SLC25A26: variants seen among roughly 807,000 people sequenced by gnomAD.
SLC25A26 encodes the protein solute carrier family 25 member 26, also known as mitochondrial S-adenosylmethionine carrier protein.
A neutral mutation model predicts 37.8 loss-of-function variants in SLC25A26; 36 were observed. The ratio of observed to expected loss-of-function variants is 0.95; its 90% CI spans 0.73 to 1.26. SLC25A26 has a LOEUF of 1.26. SLC25A26 is among the 50% of genes most tolerant of loss of function. The probability of loss-of-function intolerance (pLI) is 0.00; values close to 1 mark genes in which losing one functional copy is unlikely to be tolerated. For synonymous variants in SLC25A26, 129 were observed against 122.5 expected, an observed-to-expected ratio of 1.05 and a Z score of -0.35; for missense variants, 390 against 331.1, an observed-to-expected ratio of 1.18 and a Z score of -1.38.
intron 5 of SLC25A26, among the ~76,000 whole-genome samples, chr3:66,281,756 C>G (rs371439257): frequency 8.6e-5 from 13 of 151,020 alleles, no homozygotes; most frequent in African/African-American, 2.7e-4. Context: ...TAAACTGTCC[C>G]ATATTTGTCC....
intron 1 of SLC25A26, among the ~76,000 whole-genome samples, chr3:66,151,874 T>A (rs1325437929): frequency 1.3e-5 from 2 of 152,266 alleles, no homozygotes; most frequent in African/African-American, 4.8e-5. Context: ...GAATAGGGAC[T>A]ATTCCCCTCT....
At chr3:66,145,957 A>G (rs973083879) in intron 1 of SLC25A26, among the ~76,000 whole-genome samples, 1 of 152,256 alleles carries the variant, frequency 6.6e-6, no homozygotes, top group Non-Finnish European at 1.5e-5. Context: ...TTAAAGTTTA[A>G]TCTAAAAACA....
chr3:66,255,502 T>TC (rs986435831), intron 3 of SLC25A26, among the ~76,000 whole-genome samples: 5 of 152,026 alleles, frequency 3.3e-5, no homozygotes, highest in African/African-American at 1.2e-4. Flanking sequence ...TGTTTTTTTT[T>TC]TTTTTCCTTT....
intron 1 of SLC25A26, among the ~76,000 whole-genome samples, chr3:66,233,162 G>T (rs1209550848): frequency 1.3e-5 from 2 of 152,216 alleles, no homozygotes; most frequent in Non-Finnish European, 2.9e-5. Flanking sequence ...TGTTTTTATG[G>T]TGTGCCCTCC....
intron 5 of SLC25A26, among the ~76,000 whole-genome samples, chr3:66,284,016 A>G (rs1263417966): frequency 1.3e-5 from 2 of 152,216 alleles, no homozygotes; most frequent in Admixed American, 6.5e-5. Context: ...TTTTTATGCT[A>G]AAATATTTTA....
intron 1 of SLC25A26, among the ~76,000 whole-genome samples, chr3:66,157,385 T>C (rs928099158): frequency 6.6e-6 from 1 of 152,068 alleles, no homozygotes; most frequent in Non-Finnish European, 1.5e-5. Flanking sequence ...AGCTCAAGAG[T>C]TCCAGACCAG....
At chr3:66,209,006 AGG>A (rs1491289331) in intron 1 of SLC25A26, among the ~76,000 whole-genome samples, 2 of 16,444 alleles carry the variant, frequency 1.2e-4, no homozygotes, top group Admixed American at 1.1e-3. Context: ...ACCCATATAA[AGG>A]TATATATATA....
At chr3:66,249,712 C>G (rs1182982139) in intron 3 of SLC25A26, among the ~76,000 whole-genome samples, 1 of 152,196 alleles carries the variant, frequency 6.6e-6, no homozygotes. Context: ...TTTGCCACAT[C>G]TCTGCACAGT....
intron 1 of SLC25A26, among the ~76,000 whole-genome samples, chr3:66,175,140 T>TATATATACACACACAC (rs1413714739): frequency 3.0e-5 from 2 of 67,004 alleles, no homozygotes; most frequent in African/African-American, 1.3e-4. Context: ...TATATATATA[T>TATATATACACACACAC]ACACACACAC....
chr3:66,371,699 G>T (rs1022430302), intron 9 of SLC25A26, among the ~76,000 whole-genome samples: 13 of 152,152 alleles, frequency 8.5e-5, no homozygotes, highest in African/African-American at 3.1e-4. Flanking sequence ...ATCGTGAGGG[G>T]TGCTTCTATC....
intron 5 of SLC25A26, among the ~76,000 whole-genome samples, chr3:66,287,232 C>T (rs1001120607): frequency 1.3e-5 from 2 of 151,168 alleles, no homozygotes; most frequent in Non-Finnish European, 2.9e-5. Flanking sequence ...GGAGGCGGAG[C>T]TTGCAGTTAG....
At chr3:66,291,683 A>AT (rs796728548) in intron 5 of SLC25A26, among the ~76,000 whole-genome samples, 6 of 151,746 alleles carry the variant, frequency 4.0e-5, no homozygotes, top group South Asian at 2.1e-4. Flanking sequence ...GATGATTTCC[A>AT]TTTTTTTACA....
In SLC25A26 at chr3:66,378,660, G is replaced by C. The variant is rs1700828978; in HGVS notation, c.*853G>C. The stretch of plus-strand genomic sequence containing the variant: ...AGAAAAATTCAAAACAAAATGTCAG[G>C]AATCTAGCAGTGTTGTCTGCCCTGG... On this transcript the variant is annotated 3_prime_UTR_variant, in exon 10 of 10. Coordinates refer to ENST00000354883, the MANE Select transcript of SLC25A26 (RefSeq NM_001379210.1). The C allele has an allele frequency of 6.6e-6, 1 of 152,402 alleles. No homozygotes were observed. Among genetic ancestry groups the C allele is most frequent in the Non-Finnish European group, 1.5e-5 (1 of 68,028 alleles). 9.4% of individuals were successfully genotyped at this position (152,402 alleles called of 1,614,324 possible). A position where few individuals can be genotyped will look rare whatever the true frequency, so the allele number is the denominator to read the frequency against.
chr3:66,201,741 T>C lies in SLC25A26; in HGVS notation c.-353-19001T>C, dbSNP rs1013724450. Reference sequence around the variant, plus strand: ...GTGCCTGCATGTTGCATATAAGGAATTGATGTTGCTGAGACATTTCTGAGT... The same window carrying C: ...GTGCCTGCATGTTGCATATAAGGAACTGATGTTGCTGAGACATTTCTGAGT... On this transcript the variant is annotated intron_variant, in intron 1 of 10. Transcript: ENST00000676754. Among the ~76,000 whole-genome samples, 13 of 152,350 alleles carry C rather than the reference T, an allele frequency of 8.5e-5. 1 individual carries two copies. In the South Asian group the frequency reaches 1.5e-3, roughly 17 times the overall value.
At chr3:66,315,521 A>G (rs2107619725) in intron 5 of SLC25A26, among the ~76,000 whole-genome samples, 1 of 152,276 alleles carries the variant, frequency 6.6e-6, no homozygotes, top group Admixed American at 6.5e-5. Context: ...GCATTTGCTC[A>G]CAAGTGATTT....
intron 1 of SLC25A26, among the ~76,000 whole-genome samples, chr3:66,235,044 C>T (rs1030044753): frequency 1.3e-5 from 2 of 152,022 alleles, no homozygotes; most frequent in Non-Finnish European, 2.9e-5. Flanking sequence ...GTGATCTTTT[C>T]GTATCAGAAC....
chr3:66,206,705 C>CTT (rs1315135962), intron 1 of SLC25A26, among the ~76,000 whole-genome samples: 40 of 132,890 alleles, frequency 3.0e-4, no homozygotes, highest in African/African-American at 5.3e-4. Flanking sequence ...CTTACAGGTT[C>CTT]TTTTTTTTTT....
At chr3:66,307,604 C>G (rs1200361633) in intron 5 of SLC25A26, among the ~76,000 whole-genome samples, 1 of 152,108 alleles carries the variant, frequency 6.6e-6, no homozygotes, top group Non-Finnish European at 1.5e-5. Flanking sequence ...ATGGTATTAC[C>G]TAGGTTTTCT....
intron 1 of SLC25A26, among the ~76,000 whole-genome samples, chr3:66,138,203 C>T (rs1258737100): frequency 6.6e-6 from 1 of 151,996 alleles, no homozygotes; most frequent in East Asian, 1.9e-4. Context: ...TAAACATGGG[C>T]ATTTATAATG....
Sources: gnomAD v4.1 joint callset for allele counts (sites outside exome capture counted in the v4.1 genomes callset) on GRCh38, gnomAD v4.1.1 for gene constraint, MANE v1.5 for transcripts, NCBI Gene and HGNC (gene_info 2026-07-23, HGNC 2026-07-21) for gene names.